The following TAF4B variants were observed in gnomAD, a reference collection of about 807,000 sequenced individuals.
TAF4B encodes TATA-box binding protein associated factor 4b.
A neutral mutation model predicts 86.4 loss-of-function variants in TAF4B; 38 were observed. The ratio of observed to expected loss-of-function variants is 0.44; its 90% CI spans 0.34 to 0.58. The LOEUF (loss-of-function observed/expected upper bound fraction) is 0.58, where lower values mean the gene tolerates loss of function less well. TAF4B is among the 20% of genes least tolerant of loss of function. The probability of loss-of-function intolerance (pLI) is 0.02; values close to 1 mark genes in which losing one functional copy is unlikely to be tolerated. For synonymous variants in TAF4B, 388 were observed against 391.2 expected, an observed-to-expected ratio of 0.99 and a Z score of 0.10; for missense variants, 988 against 1,027.6, an observed-to-expected ratio of 0.96 and a Z score of 0.53.
chr18:26,341,161 A>G (rs2057132114), intron 13 of TAF4B, among the ~76,000 whole-genome samples: 1 of 152,150 alleles, frequency 6.6e-6, no homozygotes, highest in Non-Finnish European at 1.5e-5. Flanking sequence ...GGCTGCCATT[A>G]TCAAGAGCTT....
chr18:26,239,896 G>GTCAGA (rs1374525992), intron 1 of TAF4B, among the ~76,000 whole-genome samples: 9 of 152,184 alleles, frequency 5.9e-5, no homozygotes, highest in Non-Finnish European at 1.3e-4. Context: ...TCAGATGGTT[G>GTCAGA]TAGATGTGTG....
At chr18:26,285,222 G>GTTTTTTTTGTTTTTTTTTTTTT (rs1555677504) in intron 6 of TAF4B, among the ~76,000 whole-genome samples, 76 of 45,694 alleles carry the variant, frequency 1.7e-3, no homozygotes, top group Non-Finnish European at 3.0e-3. Flanking sequence ...TTTTTTTTTT[G>GTTTTTTTTGTTTTTTTTTTTTT]TTTTTTTTTT....
intron 1 of TAF4B, among the ~76,000 whole-genome samples, chr18:26,242,084 G>A (rs1407053151): frequency 2.6e-5 from 4 of 152,226 alleles, no homozygotes; most frequent in Non-Finnish European, 5.9e-5. Flanking sequence ...GGAGAGTTCT[G>A]TAGATGTCTA....
At chr18:26,328,992 T>C (rs1397362989) in intron 12 of TAF4B, among the ~76,000 whole-genome samples, 2 of 151,958 alleles carry the variant, frequency 1.3e-5, no homozygotes, top group East Asian at 3.9e-4. Flanking sequence ...CTTCTTGCCT[T>C]CCCCACTTCC....
intron 2 of TAF4B, 76 bp downstream of exon 2, chr18:26,265,391 T>C: frequency 7.0e-7 from 1 of 1,422,418 alleles, no homozygotes; most frequent in Non-Finnish European, 9.3e-7. Flanking sequence ...TGTATATGTT[T>C]GCTAGTAAAA....
chr18:26,336,327 G>A (rs1374692708), intron 13 of TAF4B, among the ~76,000 whole-genome samples: 2 of 152,052 alleles, frequency 1.3e-5, no homozygotes, highest in Non-Finnish European at 2.9e-5. Flanking sequence ...TGCTGCAGTT[G>A]GCTCCTAGGT....
At chr18:26,262,436 CTG>C (rs1405118841) in intron 1 of TAF4B, among the ~76,000 whole-genome samples, 2 of 151,488 alleles carry the variant, frequency 1.3e-5, no homozygotes, top group South Asian at 2.1e-4. Flanking sequence ...TCTCCAATAA[CTG>C]TAGTCATTTT....
At chr18:26,283,428 CTTTT>C in intron 6 of TAF4B, among the ~76,000 whole-genome samples, 1 of 146,778 alleles carries the variant, frequency 6.8e-6, no homozygotes, top group African/African-American at 2.5e-5. Context: ...TGAAAATAAT[CTTTT>C]TTTTTTTTCT....
chr18:26,321,859 GATT>G (rs2056965837), intron 11 of TAF4B, among the ~76,000 whole-genome samples: 1 of 151,996 alleles, frequency 6.6e-6, no homozygotes, highest in Non-Finnish European at 1.5e-5. Context: ...TAAGTTAAAT[GATT>G]GCATTGAGTG....
chr18:26,292,118 A>T (rs2056600771), intron 7 of TAF4B, 128 bp from the exon 8 acceptor site: 1 of 985,424 alleles, frequency 1.0e-6, no homozygotes. Flanking sequence ...AATTTAAAGT[A>T]GGCATTCTTG....
intron 11 of TAF4B, among the ~76,000 whole-genome samples, chr18:26,322,435 A>T (rs1036210834): frequency 1.3e-5 from 2 of 149,904 alleles, no homozygotes; most frequent in South Asian, 2.1e-4. Context: ...TCAGTATTTT[A>T]TAATTCCTAG....
chr18:26,386,064 A>G (rs1363129335), intron 14 of TAF4B, among the ~76,000 whole-genome samples: 1 of 152,216 alleles, frequency 6.6e-6, no homozygotes, highest in African/African-American at 2.4e-5. Context: ...GGGGAAGAGA[A>G]TGCTATCACC....
rs551155355 is a variant in TAF4B, at chr18:26,307,600, T to G, written c.1833-7629T>G. The stretch of plus-strand genomic sequence containing the variant: ...AATATCTATATACTATATCTGGTAG[T>G]GAAGGTGTTTTAACAACTAGGGGTT... On this transcript the variant is annotated intron_variant, in intron 9 of 14. Coordinates refer to ENST00000269142, the MANE Select transcript of TAF4B (RefSeq NM_005640.3). Among the ~76,000 whole-genome samples, 19 of 152,294 alleles carry G rather than the reference T, an allele frequency of 1.2e-4. No individual in the cohort carries two copies. The South Asian group carries it at 3.9e-3, about 32-fold the overall frequency.
Position 26,286,067 on chromosome 18 carries a change from A to G in TAF4B, c.1158A>G (p.Thr386=), listed in dbSNP as rs370105133. 3.2e-5 allele frequency: 51 copies of G among 1,614,106 alleles called. 2 individuals carry two copies. The highest frequency in any genetic ancestry group is 3.3e-4 in the Middle Eastern group (2 of 6,084). ...SEKSIIVSGA[T]APRTVSVQTL... is the part of the protein sequence containing the mutation. The stretch of plus-strand genomic sequence containing the variant: ...AGTCAATTATTGTTTCTGGAGCAAC[A>G]GCACCCAGAACTGTGTCAGTGCAAA... Residue 386 remains threonine, a synonymous_variant, in exon 7 of 15, where the codon ACA becomes ACG. Coordinates refer to ENST00000269142, the MANE Select transcript of TAF4B (RefSeq NM_005640.3).
intron 12 of TAF4B, among the ~76,000 whole-genome samples, chr18:26,329,942 A>G (rs900176712): frequency 2.6e-5 from 4 of 152,120 alleles, no homozygotes; most frequent in Non-Finnish European, 5.9e-5. Flanking sequence ...GTAGTTGGGA[A>G]TACAGGCACA....
At chr18:26,259,967 A>G (rs1185279439) in intron 1 of TAF4B, among the ~76,000 whole-genome samples, 1 of 152,046 alleles carries the variant, frequency 6.6e-6, no homozygotes, top group Non-Finnish European at 1.5e-5. Context: ...CTTTTTAATG[A>G]TTGCCATTCT....
intron 14 of TAF4B, among the ~76,000 whole-genome samples, chr18:26,370,662 G>A (rs1618707): frequency 0.35 from 53,380 of 152,070 alleles, 11,500 homozygotes; most frequent in East Asian, 0.8. Flanking sequence ...GATTTTGCCT[G>A]CAGTTACCTG....
intron 14 of TAF4B, among the ~76,000 whole-genome samples, 185 bp downstream of exon 14, chr18:26,357,979 A>G (rs189577177): frequency 3.0e-4 from 46 of 152,312 alleles, no homozygotes; most frequent in African/African-American, 1.0e-3. Context: ...TATCACCTTG[A>G]ACTTGTTACT....
chr18:26,232,216 A>G (rs1240818164), intron 1 of TAF4B, among the ~76,000 whole-genome samples: 2 of 151,740 alleles, frequency 1.3e-5, no homozygotes, highest in Non-Finnish European at 2.9e-5. Context: ...TCACCTCTCA[A>G]TCTCCCCCCA....
Sources: gnomAD v4.1 joint callset for allele counts (sites outside exome capture counted in the v4.1 genomes callset) on GRCh38, gnomAD v4.1.1 for gene constraint, MANE v1.5 for transcripts, NCBI Gene and HGNC (gene_info 2026-07-23, HGNC 2026-07-21) for gene names.